The following RALGAPB variants were observed in gnomAD, a reference collection of about 807,000 sequenced individuals.
RALGAPB encodes Ral GTPase activating protein non-catalytic subunit beta, also known as ral GTPase-activating protein subunit beta.
A neutral mutation model predicts 161.1 loss-of-function variants in RALGAPB; 25 were observed. That is an observed-to-expected ratio of 0.16 (90% CI 0.11 to 0.22). The LOEUF is 0.22. Ranked by LOEUF, RALGAPB falls within the 10% of genes least tolerant of loss-of-function variation. RALGAPB has a pLI of 1.00. For synonymous variants in RALGAPB, 629 were observed against 626.1 expected, an observed-to-expected ratio of 1.00 and a Z score of -0.07; for missense variants, 1,391 against 1,815.2, an observed-to-expected ratio of 0.77 and a Z score of 4.25.
chr20:38,536,337 C>T (rs1174951118), intron 16 of RALGAPB, among the ~76,000 whole-genome samples: 1 of 152,126 alleles, frequency 6.6e-6, no homozygotes, highest in Non-Finnish European at 1.5e-5. Flanking sequence ...GATAATATTT[C>T]ATTGTGTGTA....
In RALGAPB at chr20:38,574,842, C is replaced by G. The variant is rs1430853518; in HGVS notation, c.4360C>G (p.Pro1454Ala). Residue 1454 changes from proline to alanine, a missense_variant, in exon 30 of 30, where the codon CCC (proline) becomes GCC (alanine). Pro to Ala is a conservative substitution (Grantham distance 27, BLOSUM62 -1). This residue lies in a region of RALGAPB where 436 missense variants were observed against 527.0 expected (regional missense o/e 0.83). Coordinates refer to ENST00000262879, the MANE Select transcript of RALGAPB (RefSeq NM_020336.4). ...GAGACTGGAAAGTGACTCCTACAGT[C>G]CCCCCCATGTCCGCCGGAAACAGAA... ...RKRLESDSYS[P>A]PHVRRKQKIT... 3 of 1,612,792 alleles carry G rather than the reference C, an allele frequency of 1.9e-6. No homozygotes were observed. The African/African-American group carries it at 4.0e-5, about 22-fold the overall frequency.
intron 9 of RALGAPB, among the ~76,000 whole-genome samples, chr20:38,518,948 G>GA (rs2086211312): frequency 6.6e-6 from 1 of 152,116 alleles, no homozygotes; most frequent in African/African-American, 2.4e-5. Context: ...CTTTCTCTCA[G>GA]AAATGAATTC....
At chr20:38,530,521 G>A (rs149500456) in intron 13 of RALGAPB, among the ~76,000 whole-genome samples, 2 of 151,488 alleles carry the variant, frequency 1.3e-5, no homozygotes, top group East Asian at 3.9e-4. Context: ...GCCTCCCAAA[G>A]TGCTAGAATT....
In RALGAPB at chr20:38,569,925, G is replaced by A; in HGVS notation, c.3992G>A (p.Gly1331Asp). The change falls in exon 27 of 30, where the codon GGT (glycine) becomes GAT (aspartate). Residue 1331 changes from glycine to aspartate, a missense_variant. This residue lies in a region of RALGAPB where 436 missense variants were observed against 527.0 expected (regional missense o/e 0.83). Coordinates refer to ENST00000262879, the MANE Select transcript of RALGAPB (RefSeq NM_020336.4). ...PSSRMRKLPQGRPVPPLGPET... is the reference protein window; with the variant it reads ...PSSRMRKLPQDRPVPPLGPET... ...TCCAGAATGAGGAAGCTGCCTCAGG[G>A]TCGCCCTGTTCCTCCCCTTGGACCT... 1 of 1,613,550 alleles carries A rather than the reference G, an allele frequency of 6.2e-7. No homozygotes were observed.
At chr20:38,550,297 TA>T (rs1168409522) in intron 20 of RALGAPB, among the ~76,000 whole-genome samples, 2 of 152,282 alleles carry the variant, frequency 1.3e-5, no homozygotes, top group East Asian at 3.9e-4. Flanking sequence ...AGTATCATAA[TA>T]AAAAAATGTG....
intron 20 of RALGAPB, among the ~76,000 whole-genome samples, chr20:38,550,617 G>C (rs2087343987): frequency 6.6e-6 from 1 of 152,224 alleles, no homozygotes; most frequent in Non-Finnish European, 1.5e-5. Flanking sequence ...TGAAGACCTA[G>C]ATTTGGTGCC....
chr20:38,497,594 T>C, intron 4 of RALGAPB, 78 bp downstream of exon 4: 1 of 1,428,906 alleles, frequency 7.0e-7, no homozygotes, highest in South Asian at 1.4e-5. Flanking sequence ...AGCGGTAGAC[T>C]CATTGGGGAT....
rs2086692449 is a variant in RALGAPB, at chr20:38,532,747, C to T, written c.2133C>T (p.Asn711=). 6.2e-7 allele frequency: 1 copy of T among 1,613,830 alleles called. No individual in the cohort carries two copies. Among genetic ancestry groups the T allele is most frequent in the African/African-American group, 1.3e-5 (1 of 75,006 alleles). The change falls in exon 15 of 30, where the codon AAC becomes AAT. Residue 711 remains asparagine (N), a synonymous_variant. Transcript: ENST00000262879. ...CQMEMGGGEN[N]LKSHSRTNSG... is the part of the protein sequence containing the mutation. Reference sequence around the variant, plus strand: ...TTGACTAGGGTGGTGGAGAAAATAACCTGAAGAGTCATAGTCGCACCAATA... The same window carrying T: ...TTGACTAGGGTGGTGGAGAAAATAATCTGAAGAGTCATAGTCGCACCAATA...
At chr20:38,487,518 T>G (rs1253584968) in intron 1 of RALGAPB, among the ~76,000 whole-genome samples, 2 of 152,080 alleles carry the variant, frequency 1.3e-5, no homozygotes, top group Admixed American at 6.6e-5. Context: ...AAATGAAAAT[T>G]TAATATATGA....
At chr20:38,536,138 C>T (rs2086797420) in intron 16 of RALGAPB, among the ~76,000 whole-genome samples, 1 of 152,190 alleles carries the variant, frequency 6.6e-6, no homozygotes, top group Non-Finnish European at 1.5e-5. Flanking sequence ...AGTTTTGCTT[C>T]AGTCTCCGCA....
At chr20:38,487,308 A>G (rs1270325345) in intron 1 of RALGAPB, among the ~76,000 whole-genome samples, 1 of 149,260 alleles carries the variant, frequency 6.7e-6, no homozygotes, top group Admixed American at 6.8e-5. Flanking sequence ...AATTCCCATT[A>G]GAATTGTAGC....
rs143219443 is a variant in RALGAPB, at chr20:38,515,164, C to T, written c.873-1028C>T. ...CTGCTGCTGGAGACGAATCTCCCTT[C>T]CTCTGTCTTACTTGGTGGACTAGTC... On this transcript the variant is annotated intron_variant, in intron 6 of 29. Transcript: ENST00000262879. Among the ~76,000 whole-genome samples the T allele has an allele frequency of 4.2e-3, 639 of 152,326 alleles. 3 individuals are homozygous for T. Among genetic ancestry groups the T allele is most frequent in the African/African-American group, 0.015 (608 of 41,580 alleles).
intron 24 of RALGAPB, 93 bp from the exon 25 acceptor site, chr20:38,565,266 C>G: frequency 7.1e-7 from 1 of 1,416,640 alleles, no homozygotes; most frequent in Admixed American, 2.1e-5. Context: ...CTATTTATCA[C>G]TTTATTAACC....
intron 13 of RALGAPB, among the ~76,000 whole-genome samples, chr20:38,526,589 ATCT>A (rs2086478971): frequency 6.6e-6 from 1 of 152,064 alleles, no homozygotes; most frequent in Admixed American, 6.6e-5. Context: ...TTTCTTCATC[ATCT>A]TCTTAAGAGA....
intron 16 of RALGAPB, among the ~76,000 whole-genome samples, chr20:38,539,004 G>A (rs528468051): frequency 6.6e-5 from 10 of 152,150 alleles, no homozygotes; most frequent in Non-Finnish European, 1.3e-4. Context: ...CCATTAATAA[G>A]TAACTAGATA....
Position 38,553,964 on chromosome 20 carries a change from G to A in RALGAPB, c.3260G>A (p.Arg1087Lys), listed in dbSNP as rs772436944. The change falls in exon 22 of 30, where the codon AGA (arginine) becomes AAA (lysine). Residue 1087 changes from arginine to lysine, a missense_variant. Coordinates refer to ENST00000262879, the MANE Select transcript of RALGAPB (RefSeq NM_020336.4). ...EQQSEEELQK[R>K]SFPDPVTDCK... ...CAGAGTGAGGAGGAATTGCAGAAGA[G>A]AAGTTTTCCTGACCCAGTTACGGAT... 6.2e-7 allele frequency: 1 copy of A among 1,612,940 alleles called. No homozygotes were observed.
intron 6 of RALGAPB, among the ~76,000 whole-genome samples, 164 bp from the exon 7 acceptor site, chr20:38,516,028 G>T (rs1190150799): frequency 6.6e-6 from 1 of 152,198 alleles, no homozygotes; most frequent in Non-Finnish European, 1.5e-5. Context: ...CAGATCTTCT[G>T]TAAAGAAGTG....
intron 1 of RALGAPB, among the ~76,000 whole-genome samples, chr20:38,487,343 T>TA (rs2085146334): frequency 6.6e-6 from 1 of 151,776 alleles, no homozygotes; most frequent in Non-Finnish European, 1.5e-5. Context: ...GATTTTTTTT[T>TA]ATTTGGATAA....
intron 16 of RALGAPB, 100 bp downstream of exon 16, chr20:38,535,307 A>G (rs1332963098): frequency 3.0e-6 from 4 of 1,345,606 alleles, no homozygotes; most frequent in African/African-American, 2.9e-5. Context: ...AGTGTTGATC[A>G]TGCTCAAACA....
Sources: allele counts gnomAD v4.1 joint callset (sites outside exome capture counted in the v4.1 genomes callset), GRCh38; gene constraint gnomAD v4.1.1; regional missense constraint gnomAD v4.1.1; transcripts MANE v1.5; gene names NCBI Gene and HGNC (gene_info 2026-07-23, HGNC 2026-07-21).